The following STRN4 variants were observed in gnomAD, a reference collection of about 807,000 sequenced individuals.
STRN4 encodes the protein striatin 4, also known as striatin-4.
In STRN4, 27 loss-of-function variants were observed where a neutral mutation model predicts 77.9. The observed-to-expected ratio is 0.35, with a 90% confidence interval of 0.26 to 0.48. The LOEUF is 0.48. STRN4 is among the 20% of genes least tolerant of loss of function. STRN4 has a pLI of 0.99. For synonymous variants in STRN4, 466 were observed against 443.1 expected (o/e 1.05, Z -0.65); for missense variants, 798 against 1,049.7 (o/e 0.76, Z 3.31).
rs1444750631 is a variant in STRN4, at chr19:46,723,264, C to T, written c.1615G>A (p.Val539Ile). Reference protein sequence around the residue: ...DGYDPSVLSHVLEGHGDAVWG... With the variant: ...DGYDPSVLSHILEGHGDAVWG... ...ACGGCGTCCCCGTGGCCCTCCAGGA[C>T]GTGGCTCAGCACGCTTGGGTCTGCA... The change falls in exon 13 of 18, where the codon GTC (valine) becomes ATC (isoleucine). Residue 539 changes from valine (V) to isoleucine (I), a missense_variant. By Grantham distance (29) the Val-to-Ile change is conservative. Around this residue, in one of 2 missense-constraint regions of STRN4, gnomAD observed 287 missense variants for 473.8 expected, o/e 0.61. Coordinates refer to ENST00000263280, the MANE Select transcript of STRN4 (RefSeq NM_013403.3). The surrounding 1 kb of genome is among the most constrained non-coding windows in gnomAD (Gnocchi z 5.5). 5.8e-6 allele frequency: 9 copies of T among 1,548,186 alleles called. No individual in the cohort carries two copies. The highest frequency in any genetic ancestry group is 1.2e-5 in the South Asian group (1 of 84,180).
chr19:46,725,788 G>C, intron 9 of STRN4, 140 bp from the exon 10 acceptor site: 1 of 1,095,916 alleles, frequency 9.1e-7, no homozygotes, highest in Non-Finnish European at 1.3e-6. Flanking sequence ...GGCTCCAGCC[G>C]GGAACTCTCC....
chr19:46,733,345 C>T lies in STRN4; in HGVS notation c.540-109G>A. On this transcript the variant is annotated intron_variant, in intron 4 of 17. Coordinates refer to ENST00000263280, the MANE Select transcript of STRN4 (RefSeq NM_013403.3). The surrounding 1 kb of genome is among the most constrained non-coding windows in gnomAD (Gnocchi z 4.3). ...TCTTAAGGGGCCACTTAAGAGCATA[C>T]ACCAAAATCTGACATAAGCACACCC... 1 of 1,059,374 alleles carries T rather than the reference C, an allele frequency of 9.4e-7. No homozygotes were observed. The highest frequency in any genetic ancestry group is 1.4e-6 in the Non-Finnish European group (1 of 733,366). The allele number at this position is 1,059,374 out of a possible 1,614,324, so 65.6% of individuals were successfully genotyped here.
intron 6 of STRN4, 63 bp from the exon 7 acceptor site, chr19:46,728,840 G>A (rs1354232667): frequency 3.1e-6 from 5 of 1,590,318 alleles, no homozygotes; most frequent in East Asian, 4.5e-5. Context: ...AGCCACCTCC[G>A]TGCCTAGGAA....
intron 4 of STRN4, chr19:46,736,397 C>T (rs1034643588): frequency 6.5e-6 from 1 of 153,876 alleles, no homozygotes; most frequent in Non-Finnish European, 1.4e-5. Flanking sequence ...CCACTTCCCA[C>T]TACTGTATTT....
At chr19:46,736,552 CAAAA>C (rs777686904) in intron 4 of STRN4, 364 of 48,888 alleles carry the variant, frequency 7.4e-3, no homozygotes, top group Middle Eastern at 0.036. Context: ...GCCACTGAGA[CAAAA>C]AAAAAAAAAA....
chr19:46,725,427 C>T (rs371840312), intron 10 of STRN4, 46 bp downstream of exon 10: 118 of 1,613,810 alleles, frequency 7.3e-5, no homozygotes, highest in Middle Eastern at 4.9e-4. Context: ...CTGTCACCCC[C>T]GTCCCCAGAT....
intron 7 of STRN4, 168 bp downstream of exon 7, chr19:46,728,450 C>T (rs1220997501): frequency 1.8e-5 from 16 of 909,308 alleles, no homozygotes; most frequent in Non-Finnish European, 1.3e-5. Flanking sequence ...GGTGAGGGGC[C>T]GGCGGCCATG....
rs1242511524 is a variant in STRN4, at chr19:46,725,255, C to T, written c.1472+77G>A. On this transcript the variant is annotated intron_variant, in intron 11 of 17. Coordinates refer to ENST00000263280, the MANE Select transcript of STRN4 (RefSeq NM_013403.3). ...GTCCTGCCTCCTGCCGTGGGCCTCC[C>T]GCGATGGCAGTGAGCAGGTCAGGAG... is the stretch of plus-strand genomic sequence containing the variant. The T allele has an allele frequency of 2.9e-5, 46 of 1,601,378 alleles. 1 individual carries two copies. In the South Asian group the frequency reaches 3.1e-4, roughly 11 times the overall value.
In STRN4 at chr19:46,728,737, T is replaced by A; in HGVS notation, c.920A>T (p.Asp307Val). ...AGCATCCTCAGAGTCGTCTTCCTCA[T>A]CCTCGTCTTCCATTTCGGGCACCAG... The part of the protein sequence containing the change: ...KALVPEMEDE[D>V]EEDDSEDAIN... The change falls in exon 7 of 18, where the codon GAT becomes GTT. Residue 307 changes from aspartate to valine, a missense_variant. By Grantham distance (152) the Asp-to-Val change is radical (BLOSUM62 -3). Coordinates refer to ENST00000263280, the MANE Select transcript of STRN4 (RefSeq NM_013403.3). The A allele has an allele frequency of 6.2e-7, 1 of 1,614,172 alleles. No individual in the cohort carries two copies. Among genetic ancestry groups the A allele is most frequent in the South Asian group, 1.1e-5 (1 of 91,084 alleles).
In STRN4 at chr19:46,728,479, C is replaced by T. The variant is rs530772463; in HGVS notation, c.1039+139G>A. 112 of 1,225,048 alleles carry T rather than the reference C, an allele frequency of 9.1e-5. No individual in the cohort carries two copies. In the African/African-American group the frequency reaches 1.6e-3, roughly 17 times the overall value. 75.9% of individuals were successfully genotyped at this position (1,225,048 alleles called of 1,614,324 possible). Reference sequence around the variant, plus strand: ...GGCCATGACCTGGGCCTCCTGCTCTCCTTGGCTACCCTCCTCTCAGGAAAC... The same window carrying T: ...GGCCATGACCTGGGCCTCCTGCTCTTCTTGGCTACCCTCCTCTCAGGAAAC... On this transcript the variant is annotated intron_variant, in intron 7 of 17. Transcript: ENST00000263280.
At chr19:46,743,576 G>C (rs2054512227) in intron 1 of STRN4, among the ~76,000 whole-genome samples, 1 of 152,162 alleles carries the variant, frequency 6.6e-6, no homozygotes, top group East Asian at 1.9e-4. Flanking sequence ...ACTGTACTGG[G>C]TAGCAGAGAG....
intron 1 of STRN4, 27 bp downstream of exon 1, chr19:46,746,122 G>C: frequency 6.8e-7 from 1 of 1,477,438 alleles, no homozygotes; most frequent in Non-Finnish European, 8.9e-7. Flanking sequence ...CCGGGTTGGG[G>C]GTCGGGGGTC....
chr19:46,735,352 A>G, intron 4 of STRN4, among the ~76,000 whole-genome samples: 1 of 152,140 alleles, frequency 6.6e-6, no homozygotes, highest in Non-Finnish European at 1.5e-5. Context: ...AAATACATAA[A>G]CTGAGCAGTG....
intron 8 of STRN4, 44 bp downstream of exon 8, chr19:46,727,850 C>T: frequency 1.3e-6 from 2 of 1,515,038 alleles, no homozygotes; most frequent in Non-Finnish European, 9.0e-7. Flanking sequence ...CCTCCCTCTG[C>T]CATGGGCCCG....
Position 46,720,720 on chromosome 19 carries a change from T to C in STRN4, c.2144A>G (p.Gln715Arg). The C allele has an allele frequency of 6.2e-7, 1 of 1,608,872 alleles. No homozygotes were observed. Among genetic ancestry groups the C allele is most frequent in the Non-Finnish European group, 8.5e-7 (1 of 1,177,084 alleles). ...CTTCTTGCGGTGGGCCGTGATCTCC[T>C]GCACGCACGTTTTGTTGTCCAGGCT... ...LWSLDNKTCV[Q>R]EITAHRKKHE... is the part of the protein sequence containing the mutation. Residue 715 changes from glutamine (Q) to arginine (R), a missense_variant, in exon 17 of 18, where the codon CAG becomes CGG. Gln to Arg is a conservative substitution (Grantham distance 43). Around this residue, in one of 2 missense-constraint regions of STRN4, gnomAD observed 287 missense variants for 473.8 expected, o/e 0.61. Coordinates refer to ENST00000263280, the MANE Select transcript of STRN4 (RefSeq NM_013403.3).
rs115934734 is a variant in STRN4, at chr19:46,736,888, G to A, written c.474C>T (p.Pro158=). 4,472 of 1,611,980 alleles carry A rather than the reference G, an allele frequency of 2.8e-3. 67 individuals are homozygous for A. The African/African-American group carries it at 0.045, about 16-fold the overall frequency. The stretch of plus-strand genomic sequence containing the variant: ...TGTTCTCCAGGGTGACCGATTCCAC[G>A]GGGCCATTGGAGACTGGCGGGTGAG... ...ADVSEQVSNG[P]VESVTLENSP... The change falls in exon 4 of 18, where the codon CCC becomes CCT. Residue 158 remains proline, a synonymous_variant. Transcript: ENST00000263280.
chr19:46,721,865 C>T, intron 16 of STRN4, 121 bp downstream of exon 16: 2 of 1,073,052 alleles, frequency 1.9e-6, no homozygotes, highest in Non-Finnish European at 2.8e-6. Context: ...GTCATTCCCG[C>T]CCAGACCAGC....
Position 46,723,280 on chromosome 19 carries a change from T to G in STRN4, c.1599A>C (p.Pro533=). The stretch of plus-strand genomic sequence containing the variant: ...CCTCCAGGACGTGGCTCAGCACGCT[T>G]GGGTCTGCACCCACCGCAGGGAGGA... ...LSMDPYDGYD[P]SVLSHVLEGH... The change falls in exon 13 of 18, where the codon CCA becomes CCC. Residue 533 remains proline, a synonymous_variant. Transcript: ENST00000263280. The surrounding 1 kb of genome is among the most constrained non-coding windows in gnomAD (Gnocchi z 5.5). 3.2e-6 allele frequency: 5 copies of G among 1,544,584 alleles called. No homozygotes were observed. Among genetic ancestry groups the G allele is most frequent in the Non-Finnish European group, 4.4e-6 (5 of 1,147,060 alleles).
In STRN4 at chr19:46,725,315, C is replaced by T. The variant is rs554197047; in HGVS notation, c.1472+17G>A. 82 of 1,614,122 alleles carry T rather than the reference C, an allele frequency of 5.1e-5. No individual in the cohort carries two copies. The South Asian group carries it at 8.0e-4, about 16-fold the overall frequency. ...ATTTAGGACGAGTTTCTAGCAGGCT[C>T]AGGGGCACCTCCCTACCTGTGAGCC... On this transcript the variant is annotated intron_variant, in intron 11 of 17. Coordinates refer to ENST00000263280, the MANE Select transcript of STRN4 (RefSeq NM_013403.3).
Sources: gnomAD v4.1 joint callset for allele counts (sites outside exome capture counted in the v4.1 genomes callset) on GRCh38, gnomAD v4.1.1 for gene constraint, gnomAD v4.1.1 regional missense constraint, Gnocchi (gnomAD v3.1) non-coding constraint, MANE v1.5 for transcripts, NCBI Gene and HGNC (gene_info 2026-07-23, HGNC 2026-07-21) for gene names.